Variants in EXT1 observed in about 807,000 individuals in gnomAD.
EXT1 encodes the protein exostosin glycosyltransferase 1, also known as exostosin-1.
EXT1 carries 20 observed loss-of-function variants against 82.5 expected under a neutral mutation model. The ratio of observed to expected loss-of-function variants is 0.24; its 90% confidence interval spans 0.17 to 0.35. The LOEUF is 0.35. Ranked by LOEUF, EXT1 falls within the 10% of genes least tolerant of loss-of-function variation. EXT1 has a pLI of 1.00. For missense variants in EXT1, 757 were observed against 936.5 expected (o/e 0.81, Z 2.50); for synonymous variants, 348 against 350.8 (o/e 0.99, Z 0.09).
chr8:118,063,057 T>C (rs1169729241), intron 1 of EXT1, among the ~76,000 whole-genome samples: 1 of 152,214 alleles, frequency 6.6e-6, no homozygotes, highest in Non-Finnish European at 1.5e-5. Flanking sequence ...TACAAACTTT[T>C]TGACAGATGA....
chr8:117,821,599 G>A (rs1349681635), intron 5 of EXT1, among the ~76,000 whole-genome samples: 1 of 152,174 alleles, frequency 6.6e-6, no homozygotes, highest in Non-Finnish European at 1.5e-5. Flanking sequence ...GATGCTTCAG[G>A]CCATGCATTT....
At chr8:117,831,831 A>G (rs1812104040) in intron 3 of EXT1, among the ~76,000 whole-genome samples, 1 of 152,226 alleles carries the variant, frequency 6.6e-6, no homozygotes, top group Admixed American at 6.5e-5. Flanking sequence ...ACAGAAGGAA[A>G]AGCTCACTTG....
intron 1 of EXT1, among the ~76,000 whole-genome samples, chr8:117,935,303 C>T (rs1814137499): frequency 6.7e-6 from 1 of 150,160 alleles, no homozygotes; most frequent in Admixed American, 6.8e-5. Flanking sequence ...CCAGAAAATC[C>T]TGGTTAGTTA....
rs1414504687 is a variant in EXT1 at position 117,796,565 on chromosome 8, G to A, written c.*3147C>T. The A allele has an allele frequency of 6.6e-6, 1 of 152,038 alleles. No individual in the cohort carries two copies. The highest frequency in any genetic ancestry group is 2.1e-4 in the South Asian group (1 of 4,826). The allele number at this position is 152,038 out of a possible 1,614,324, so 9.4% of individuals were successfully genotyped here. A position where few individuals can be genotyped will look rare whatever the true frequency, so the allele number is the denominator to read the frequency against. ...AAGTCATTCTAAAAGGGAAATTGAAGGATGCAACCGGATTGATCCTTCTTT... is the reference window on the plus strand; with the variant it reads ...AAGTCATTCTAAAAGGGAAATTGAAAGATGCAACCGGATTGATCCTTCTTT... On this transcript the variant is annotated 3_prime_UTR_variant, in exon 11 of 11. Transcript: ENST00000378204.
At chr8:117,862,891 G>A (rs912690836) in intron 1 of EXT1, among the ~76,000 whole-genome samples, 1 of 143,430 alleles carries the variant, frequency 7.0e-6, no homozygotes, top group Non-Finnish European at 1.6e-5. Flanking sequence ...AGAATAATTC[G>A]GGAAGTGGAA....
intron 1 of EXT1, among the ~76,000 whole-genome samples, chr8:117,842,739 A>C (rs936760231): frequency 5.9e-5 from 9 of 152,238 alleles, no homozygotes; most frequent in Non-Finnish European, 1.2e-4. Context: ...GCTGTGAATC[A>C]CAACAGAACA....
At chr8:118,098,601 C>CA (rs1015334481) in intron 1 of EXT1, among the ~76,000 whole-genome samples, 23 of 151,614 alleles carry the variant, frequency 1.5e-4, no homozygotes, top group Admixed American at 3.9e-4. Context: ...CTAAAAAATA[C>CA]AAAAAAAATT....
At chr8:117,842,904 C>T (rs1007419360) in intron 1 of EXT1, among the ~76,000 whole-genome samples, 4 of 152,186 alleles carry the variant, frequency 2.6e-5, no homozygotes, top group African/African-American at 7.2e-5. Context: ...TAACCAAAGA[C>T]GATAGGGAAG....
At chr8:118,096,506 C>A in intron 1 of EXT1, among the ~76,000 whole-genome samples, 1 of 151,812 alleles carries the variant, frequency 6.6e-6, no homozygotes, top group Admixed American at 6.6e-5. Context: ...GAGGCTGAGG[C>A]AGGAGAATCA....
chr8:117,939,293 T>C (rs966624756), intron 1 of EXT1, among the ~76,000 whole-genome samples: 1 of 151,982 alleles, frequency 6.6e-6, no homozygotes, highest in Non-Finnish European at 1.5e-5. Context: ...AGATGAAAAA[T>C]AGTGACCAGG....
At chr8:117,949,425 C>T (rs1371430309) in intron 1 of EXT1, among the ~76,000 whole-genome samples, 5 of 150,826 alleles carry the variant, frequency 3.3e-5, no homozygotes, top group African/African-American at 2.4e-5. Context: ...ATTTATAATC[C>T]ACAGGTAAGT....
chr8:117,954,398 T>G (rs2129702130), intron 1 of EXT1, among the ~76,000 whole-genome samples: 1 of 152,304 alleles, frequency 6.6e-6, no homozygotes, highest in Middle Eastern at 3.4e-3. Context: ...CCCCATAAGA[T>G]GTCCATTTGT....
intron 1 of EXT1, among the ~76,000 whole-genome samples, chr8:118,091,800 TG>T (rs1211048511): frequency 2.9e-5 from 3 of 102,746 alleles, no homozygotes; most frequent in Non-Finnish European, 4.9e-5. Flanking sequence ...TATATATATA[TG>T]TATCTTCTAA....
intron 9 of EXT1, 98 bp from the exon 10 acceptor site, chr8:117,804,991 A>C: frequency 9.1e-7 from 1 of 1,094,454 alleles, no homozygotes; most frequent in Non-Finnish European, 1.4e-6. Context: ...TTGAATCCCT[A>C]AACATGTCAT....
At chr8:117,954,429 G>A (rs986130815) in intron 1 of EXT1, among the ~76,000 whole-genome samples, 2 of 152,092 alleles carry the variant, frequency 1.3e-5, no homozygotes, top group Non-Finnish European at 2.9e-5. Context: ...GGCATGCTGA[G>A]ATGGCAAAGT....
chr8:117,928,590 T>G (rs959071583), intron 1 of EXT1, among the ~76,000 whole-genome samples: 1 of 152,144 alleles, frequency 6.6e-6, no homozygotes, highest in East Asian at 1.9e-4. Context: ...ACGATGATGA[T>G]AATCACAGCA....
chr8:117,949,335 TCA>T (rs1814446646), intron 1 of EXT1, among the ~76,000 whole-genome samples: 1 of 152,032 alleles, frequency 6.6e-6, no homozygotes, highest in Non-Finnish European at 1.5e-5. Context: ...GATGCATCCA[TCA>T]TAAGCCTACA....
At chr8:117,870,823 T>TCTCA (rs150568638) in intron 1 of EXT1, among the ~76,000 whole-genome samples, 1 of 146,774 alleles carries the variant, frequency 6.8e-6, no homozygotes, top group African/African-American at 2.6e-5. Flanking sequence ...AAATGCTTTG[T>TCTCA]CACACACACA....
rs565361591 is a variant in EXT1 at position 117,848,320 on chromosome 8, T to A, written c.963-11119A>T. Among the ~76,000 whole-genome samples the A allele has an allele frequency of 4.6e-5, 7 of 152,234 alleles. No individual in the cohort carries two copies. In the South Asian group the frequency reaches 1.5e-3, roughly 32 times the overall value. The stretch of plus-strand genomic sequence containing the variant: ...CTTAGGGATTAGAGAGGCCCACAAG[T>A]CTAGATTCTGCCATTTCCTTAGGCA... On this transcript the variant is annotated intron_variant, in intron 1 of 10. Coordinates refer to ENST00000378204, the MANE Select transcript of EXT1 (RefSeq NM_000127.3).
Sources: allele counts gnomAD v4.1 joint callset (sites outside exome capture counted in the v4.1 genomes callset), GRCh38; gene constraint gnomAD v4.1.1; transcripts MANE v1.5; gene names NCBI Gene and HGNC (gene_info 2026-07-23, HGNC 2026-07-21).